Variants in SLAMF9 observed in about 807,000 individuals in gnomAD.
SLAMF9 encodes the protein SLAM family member 9.
Under a neutral mutation model 30.4 loss-of-function variants are expected in SLAMF9, and 25 were observed. The ratio of observed to expected loss-of-function variants is 0.82; its 90% CI spans 0.60 to 1.15. SLAMF9 has a LOEUF of 1.15. SLAMF9 is among the 50% of genes most tolerant of loss of function. The pLI is 0.00. For synonymous variants in SLAMF9, 129 were observed against 127.2 expected (o/e 1.01, Z -0.09); for missense variants, 344 against 346.1 (o/e 0.99, Z 0.05).
chr1:159,972,024 C>G, the SLAMF9 span, among the ~76,000 whole-genome samples: 2 of 152,154 alleles, frequency 1.3e-5, 1 homozygote, highest in East Asian at 3.9e-4. Flanking sequence ...ATGGCTCACC[C>G]CAGCAGCAAA....
the SLAMF9 span, among the ~76,000 whole-genome samples, chr1:159,959,417 C>T: frequency 1.2e-4 from 18 of 152,164 alleles, no homozygotes; most frequent in East Asian, 2.9e-3. Context: ...TGTCCAAATG[C>T]CCCTATCGTA....
chr1:159,952,670 C>T lies in SLAMF9; in HGVS notation c.392-136G>A, dbSNP rs918829350. Reference sequence around the variant, plus strand: ...TAAACAACAAATAGGCAAAAGCAAACAAACCCAACCACCATAAAACCTGTG... The same window carrying T: ...TAAACAACAAATAGGCAAAAGCAAATAAACCCAACCACCATAAAACCTGTG... On this transcript the variant is annotated intron_variant, in intron 2 of 3. Coordinates refer to ENST00000368093, the MANE Select transcript of SLAMF9 (RefSeq NM_033438.4). 11 of 865,956 alleles carry T rather than the reference C, an allele frequency of 1.3e-5. No individual in the cohort carries two copies. The African/African-American group carries it at 1.9e-4, about 15-fold the overall frequency. 53.6% of individuals were successfully genotyped at this position (865,956 alleles called of 1,614,324 possible).
the SLAMF9 span, among the ~76,000 whole-genome samples, chr1:159,960,613 A>T: frequency 6.6e-6 from 1 of 151,994 alleles, no homozygotes; most frequent in Admixed American, 6.6e-5. Flanking sequence ...TTACAGGCGC[A>T]TGCTACTACG....
upstream of SLAMF9, among the ~76,000 whole-genome samples, chr1:159,954,525 A>G (rs1197310339): frequency 1.3e-5 from 2 of 152,154 alleles, no homozygotes; most frequent in Admixed American, 6.5e-5. Flanking sequence ...CTCCCAGGAT[A>G]TTCTTCCCTA....
At chr1:159,974,753 T>C in the SLAMF9 span, among the ~76,000 whole-genome samples, 2 of 152,164 alleles carry the variant, frequency 1.3e-5, no homozygotes, top group South Asian at 2.1e-4. Context: ...GAATCTCCCA[T>C]AGGTCAGGTA....
the SLAMF9 span, chr1:159,965,483 T>C: frequency 6.6e-6 from 1 of 152,220 alleles, no homozygotes; most frequent in South Asian, 2.1e-4. Flanking sequence ...TGACAATCTA[T>C]GGTATCCATC....
chr1:159,976,086 A>AGTGTGTGTGTGTGT, the SLAMF9 span, among the ~76,000 whole-genome samples: 3 of 148,278 alleles, frequency 2.0e-5, no homozygotes, highest in African/African-American at 7.5e-5. Context: ...TATAGGTTGT[A>AGTGTGTGTGTGTGT]GTGTGTGTGT....
At chr1:159,957,138 G>GAAA (rs1401603346), upstream of SLAMF9, among the ~76,000 whole-genome samples, 7 of 13,668 alleles carry the variant, frequency 5.1e-4, no homozygotes, top group Admixed American at 1.3e-3. Flanking sequence ...AAAAAAAAAA[G>GAAA]ACAAAAAAAA....
the SLAMF9 span, chr1:159,983,555 T>C: frequency 6.6e-6 from 1 of 152,256 alleles, no homozygotes; most frequent in Admixed American, 6.5e-5. Flanking sequence ...TTTAAGTTAG[T>C]TTCTATTACT....
the SLAMF9 span, among the ~76,000 whole-genome samples, chr1:159,965,235 G>T: frequency 8.3e-3 from 1,257 of 152,316 alleles, 11 homozygotes; most frequent in Non-Finnish European, 0.014. Flanking sequence ...GATCTGTACC[G>T]TCTGATCAGA....
chr1:159,954,081 G>C lies in SLAMF9; in HGVS notation c.46+11C>G. 6.2e-7 allele frequency: 1 copy of C among 1,613,928 alleles called. No individual in the cohort carries two copies. The highest frequency in any genetic ancestry group is 1.1e-5 in the South Asian group (1 of 91,060). ...GGACATTCCTGTGCACGAGCTGGCA[G>C]CTTCACTCACCCTCCTGGAGCAGCA... On this transcript the variant is annotated intron_variant, in intron 1 of 3. Coordinates refer to ENST00000368093, the MANE Select transcript of SLAMF9 (RefSeq NM_033438.4).
the SLAMF9 span, among the ~76,000 whole-genome samples, chr1:159,969,747 A>AAATAG: frequency 1.3e-5 from 2 of 152,214 alleles, no homozygotes; most frequent in Non-Finnish European, 2.9e-5. Flanking sequence ...AAATCCTTTA[A>AAATAG]AATAGTGTTT....
At chr1:159,953,225 C>T (rs923604817) in intron 2 of SLAMF9, 84 bp downstream of exon 2, 121 of 1,167,128 alleles carry the variant, frequency 1.0e-4, no homozygotes, top group Non-Finnish European at 1.5e-4. Context: ...ACCATAACCC[C>T]AAGTCCTGAG....
At chr1:159,963,445 T>C in the SLAMF9 span, among the ~76,000 whole-genome samples, 1 of 152,108 alleles carries the variant, frequency 6.6e-6, no homozygotes, top group Non-Finnish European at 1.5e-5. Context: ...CCCAGCTCGG[T>C]GTTTTCCATG....
At chr1:159,957,634 G>C (rs902923793), upstream of SLAMF9, among the ~76,000 whole-genome samples, 2 of 152,068 alleles carry the variant, frequency 1.3e-5, no homozygotes. Context: ...AAAAAAAATT[G>C]CTAAGACAGT....
At chr1:159,970,323 G>A in the SLAMF9 span, among the ~76,000 whole-genome samples, 20 of 152,194 alleles carry the variant, frequency 1.3e-4, no homozygotes, top group African/African-American at 4.6e-4. Flanking sequence ...ATCAATGACC[G>A]TGGCCTGTGT....
the SLAMF9 span, among the ~76,000 whole-genome samples, chr1:159,975,228 G>T: frequency 6.6e-6 from 1 of 152,064 alleles, no homozygotes; most frequent in African/African-American, 2.4e-5. Flanking sequence ...CCAGGCCCTC[G>T]GATATATGCT....
At chr1:159,958,696 C>A (rs1247171189), upstream of SLAMF9, among the ~76,000 whole-genome samples, 1 of 152,096 alleles carries the variant, frequency 6.6e-6, no homozygotes, top group African/African-American at 2.4e-5. Flanking sequence ...AACTCCTGGA[C>A]TCAGGGGATC....
the SLAMF9 span, among the ~76,000 whole-genome samples, chr1:159,963,413 G>A: frequency 6.6e-6 from 1 of 152,168 alleles, no homozygotes; most frequent in Non-Finnish European, 1.5e-5. Flanking sequence ...GAGACAGCAA[G>A]CATTGCTGTT....
Sources: gnomAD v4.1 joint callset for allele counts (sites outside exome capture counted in the v4.1 genomes callset) on GRCh38, gnomAD v4.1.1 for gene constraint, MANE v1.5 for transcripts, NCBI Gene and HGNC (gene_info 2026-07-23, HGNC 2026-07-21) for gene names.